COPS4: variants seen among roughly 807,000 people sequenced by gnomAD.
COPS4 encodes COP9 signalosome subunit 4.
In COPS4, 8 loss-of-function variants were observed where a neutral mutation model predicts 55.1. The ratio of observed to expected loss-of-function variants is 0.15; its 90% confidence interval spans 0.09 to 0.26. The LOEUF (loss-of-function observed/expected upper bound fraction) is 0.26. Among genes scored for constraint, COPS4 ranks in the 10% least tolerant of loss-of-function variants. The probability of loss-of-function intolerance (pLI) is 1.00; values close to 1 mark genes in which losing one functional copy is unlikely to be tolerated. For missense variants in COPS4, 248 were observed against 484.0 expected (o/e 0.51, Z 4.58); for synonymous variants, 185 against 165.7 (o/e 1.12, Z -0.90).
At chr4:83,059,928 C>T (rs1023587227) in intron 6 of COPS4, among the ~76,000 whole-genome samples, 5 of 152,046 alleles carry the variant, frequency 3.3e-5, no homozygotes, top group South Asian at 4.2e-4. Flanking sequence ...GTCTCGATCT[C>T]CTGACCTTGT....
intron 1 of COPS4, among the ~76,000 whole-genome samples, chr4:83,044,462 A>T (rs1270322822): frequency 1.4e-5 from 2 of 143,030 alleles, no homozygotes; most frequent in Non-Finnish European, 3.0e-5. Flanking sequence ...AAAAAAAAAA[A>T]ATGATTAAGA....
At position 83,035,258 on chromosome 4, in the gene COPS4, C is replaced by T; in HGVS notation, c.34C>T (p.Leu12Phe). 6.4e-7 allele frequency: 1 copy of T among 1,573,174 alleles called. No homozygotes were observed. The highest frequency in any genetic ancestry group is 8.7e-7 in the Non-Finnish European group (1 of 1,153,882). Residue 12 changes from leucine to phenylalanine, a missense_variant, in exon 1 of 10, where the codon CTC (leucine) becomes TTC (phenylalanine). Physicochemically the swap from Leu to Phe is conservative, Grantham distance 22. Coordinates refer to ENST00000264389, the MANE Select transcript of COPS4 (RefSeq NM_016129.3). The part of the protein sequence containing the change: ...AAAVRQDLAQ[L>F]MNSSGSHKDL... Reference sequence around the variant, plus strand: ...AGCCGTGCGACAGGATTTGGCCCAGCTCATGAATTCGAGCGGCTCTCATAA... The same window carrying T: ...AGCCGTGCGACAGGATTTGGCCCAGTTCATGAATTCGAGCGGCTCTCATAA...
intron 6 of COPS4, among the ~76,000 whole-genome samples, chr4:83,060,000 C>G (rs983262489): frequency 6.6e-6 from 1 of 151,962 alleles, no homozygotes; most frequent in Admixed American, 6.6e-5. Flanking sequence ...CGCACCCGGC[C>G]GAAACAGCTC....
At chr4:83,041,804 A>G (rs1299168347) in intron 1 of COPS4, among the ~76,000 whole-genome samples, 1 of 149,786 alleles carries the variant, frequency 6.7e-6, no homozygotes, top group East Asian at 2.0e-4. Flanking sequence ...CTCTTCATTT[A>G]TCATATTGCT....
chr4:83,040,398 T>G (rs6814960), intron 1 of COPS4, among the ~76,000 whole-genome samples: 151,668 of 152,358 alleles, frequency 1, 75,490 homozygotes, highest in Middle Eastern at 1. Context: ...TAACAGTGTA[T>G]AATCAAGGCT....
intron 1 of COPS4, among the ~76,000 whole-genome samples, chr4:83,040,080 A>T (rs142433120): frequency 1.9e-4 from 29 of 152,286 alleles, no homozygotes; most frequent in African/African-American, 6.5e-4. Flanking sequence ...TTAGTTCTTC[A>T]GGCCTACCTT....
At chr4:83,063,779 G>A (rs1041481016) in intron 7 of COPS4, among the ~76,000 whole-genome samples, 3 of 149,112 alleles carry the variant, frequency 2.0e-5, no homozygotes, top group Non-Finnish European at 2.9e-5. Flanking sequence ...GTGCGATCTC[G>A]GTTCACCACA....
chr4:83,051,649 T>C (rs1360985075), intron 4 of COPS4, among the ~76,000 whole-genome samples: 2 of 152,156 alleles, frequency 1.3e-5, no homozygotes, highest in African/African-American at 4.8e-5. Flanking sequence ...TTTGGACATA[T>C]GATATCCAAG....
At chr4:83,049,743 G>T in intron 3 of COPS4, 138 bp from the exon 4 acceptor site, 2 of 574,368 alleles carry the variant, frequency 3.5e-6, no homozygotes, top group Non-Finnish European at 6.0e-6. Flanking sequence ...AGGAAAACTT[G>T]GGTGGTCTTG....
At chr4:83,062,302 G>A (rs531308603) in intron 6 of COPS4, among the ~76,000 whole-genome samples, 114 of 152,178 alleles carry the variant, frequency 7.5e-4, no homozygotes, top group African/African-American at 2.6e-3. Flanking sequence ...TCTTCCAACC[G>A]CTTGTAACAT....
intron 7 of COPS4, among the ~76,000 whole-genome samples, chr4:83,063,766 A>G (rs976248695): frequency 1.3e-4 from 19 of 149,184 alleles, no homozygotes; most frequent in Non-Finnish European, 1.6e-4. Context: ...CTGGAGTGCA[A>G]TGGTGCGATC....
intron 6 of COPS4, among the ~76,000 whole-genome samples, chr4:83,057,803 T>C (rs1731052898): frequency 6.6e-6 from 1 of 151,080 alleles, no homozygotes; most frequent in Admixed American, 6.6e-5. Flanking sequence ...GCGCCTGTAG[T>C]CCCAGCTGTG....
chr4:83,069,200 G>A (rs937426564), intron 9 of COPS4, among the ~76,000 whole-genome samples: 1 of 152,048 alleles, frequency 6.6e-6, no homozygotes, highest in Non-Finnish European at 1.5e-5. Flanking sequence ...CTTTTTCATT[G>A]TCTAATACCT....
intron 9 of COPS4, among the ~76,000 whole-genome samples, chr4:83,071,263 T>C (rs62311710): frequency 0.043 from 6,573 of 152,286 alleles, 195 homozygotes; most frequent in Non-Finnish European, 0.07. Flanking sequence ...GTCTGGCACA[T>C]TGTAAATGAG....
chr4:83,058,429 G>A (rs1194806876), intron 6 of COPS4, among the ~76,000 whole-genome samples: 1 of 151,982 alleles, frequency 6.6e-6, no homozygotes, highest in Non-Finnish European at 1.5e-5. Context: ...ATATTGCCCA[G>A]TCTGGTCTTG....
At chr4:83,066,320 A>G (rs1731291671) in intron 7 of COPS4, 118 bp from the exon 8 acceptor site, 1 of 514,088 alleles carries the variant, frequency 1.9e-6, no homozygotes, top group South Asian at 4.1e-5. Context: ...TAAAATTTTG[A>G]TCAGAGGAGT....
intron 2 of COPS4, among the ~76,000 whole-genome samples, chr4:83,047,738 C>T (rs914659879): frequency 3.9e-5 from 6 of 152,150 alleles, no homozygotes; most frequent in East Asian, 3.9e-4. Flanking sequence ...CCATGGCTTA[C>T]GCCTGTAGTC....
intron 9 of COPS4, chr4:83,073,073 A>G: frequency 2.3e-6 from 1 of 426,260 alleles, no homozygotes; most frequent in Non-Finnish European, 4.2e-6. Context: ...TTTAAAGTAA[A>G]CAATTCAATG....
chr4:83,065,413 G>A (rs534022169), intron 7 of COPS4, among the ~76,000 whole-genome samples: 1 of 152,196 alleles, frequency 6.6e-6, no homozygotes, highest in South Asian at 2.1e-4. Context: ...AAGGTAGACT[G>A]GGAGATAGGA....
Sources: gnomAD v4.1 joint callset for allele counts (sites outside exome capture counted in the v4.1 genomes callset) on GRCh38, gnomAD v4.1.1 for gene constraint, MANE v1.5 for transcripts, NCBI Gene and HGNC (gene_info 2026-07-23, HGNC 2026-07-21) for gene names.